TSNARE1: variants seen among roughly 807,000 people sequenced by gnomAD.
TSNARE1 encodes the protein t-SNARE domain-containing protein 1.
In TSNARE1, 49 loss-of-function variants were observed where a neutral mutation model predicts 62.0. The ratio of observed to expected loss-of-function variants is 0.79; its 90% CI spans 0.63 to 1.00. The LOEUF (loss-of-function observed/expected upper bound fraction) is 1.00, where lower values mean the gene tolerates loss of function less well. Ranked by LOEUF, TSNARE1 falls within the 50% of genes least tolerant of loss-of-function variation. The pLI is 0.00. For missense variants in TSNARE1, 755 were observed against 700.1 expected (o/e 1.08, Z -0.88); for synonymous variants, 328 against 294.4 (o/e 1.11, Z -1.17).
chr8:142,226,288 C>G (rs1816766166), intron 13 of TSNARE1, among the ~76,000 whole-genome samples: 1 of 152,176 alleles, frequency 6.6e-6, no homozygotes, highest in South Asian at 2.1e-4. Flanking sequence ...GGGCACTGCT[C>G]AGAGTGTGGC....
chr8:142,371,439 T>C (rs1391047188), intron 1 of TSNARE1, among the ~76,000 whole-genome samples: 5 of 152,200 alleles, frequency 3.3e-5, no homozygotes, highest in South Asian at 2.1e-4. Flanking sequence ...TTGACGACAG[T>C]GGTGATGCAC....
intron 13 of TSNARE1, among the ~76,000 whole-genome samples, chr8:142,227,929 A>G (rs1016548789): frequency 1.3e-5 from 2 of 152,240 alleles, no homozygotes; most frequent in African/African-American, 2.4e-5. Flanking sequence ...GTAAGACTCA[A>G]GTAGGGCAGC....
At chr8:142,380,387 C>T (rs972251578) in intron 1 of TSNARE1, among the ~76,000 whole-genome samples, 3 of 152,300 alleles carry the variant, frequency 2.0e-5, no homozygotes, top group Admixed American at 6.5e-5. Context: ...GGGACACTCA[C>T]CTGGGGCTCT....
intron 2 of TSNARE1, among the ~76,000 whole-genome samples, chr8:142,346,551 T>C (rs1227022868): frequency 6.6e-6 from 1 of 152,264 alleles, no homozygotes; most frequent in African/African-American, 2.4e-5. Flanking sequence ...AGAACCACGA[T>C]GTGCCTTTCG....
intron 12 of TSNARE1, among the ~76,000 whole-genome samples, chr8:142,238,780 C>T (rs1413504296): frequency 6.7e-6 from 1 of 149,342 alleles, no homozygotes; most frequent in Non-Finnish European, 1.5e-5. Flanking sequence ...CGCCCCTGCA[C>T]ACCTGCCCCT....
At chr8:142,244,993 C>A (rs1273765649) in intron 12 of TSNARE1, among the ~76,000 whole-genome samples, 2 of 152,258 alleles carry the variant, frequency 1.3e-5, no homozygotes, top group Admixed American at 6.5e-5. Context: ...CGGAAAAAAA[C>A]CAACAATCCA....
At chr8:142,316,448 A>G (rs561044884) in intron 7 of TSNARE1, among the ~76,000 whole-genome samples, 1 of 151,902 alleles carries the variant, frequency 6.6e-6, no homozygotes, top group South Asian at 2.1e-4. Context: ...TGCCTCTGTT[A>G]CAGTTTTTTA....
upstream of TSNARE1, chr8:142,404,099 CTG>C (rs1838505116): frequency 1.3e-5 from 2 of 151,880 alleles, no homozygotes; most frequent in Middle Eastern, 3.4e-3. Context: ...CGCCCTCACT[CTG>C]TGATGCTTGC....
intron 10 of TSNARE1, among the ~76,000 whole-genome samples, chr8:142,298,189 C>T (rs1825087844): frequency 6.6e-6 from 1 of 152,256 alleles, no homozygotes; most frequent in Non-Finnish European, 1.5e-5. Flanking sequence ...TTCCTCCCGC[C>T]CTGGCCCAGG....
intron 12 of TSNARE1, chr8:142,274,235 C>T (rs1260589885): frequency 5.1e-6 from 5 of 985,330 alleles, no homozygotes; most frequent in Non-Finnish European, 6.0e-6. Flanking sequence ...CTCAGCTGGG[C>T]CACAGTCTCC....
chr8:142,382,545 C>T (rs1836844921), intron 1 of TSNARE1, among the ~76,000 whole-genome samples: 1 of 152,160 alleles, frequency 6.6e-6, no homozygotes, highest in South Asian at 2.1e-4. Flanking sequence ...CAGCTGCACA[C>T]AGCCCAAGAG....
intron 10 of TSNARE1, 119 bp from the exon 11 acceptor site, chr8:142,284,604 C>T: frequency 1.3e-6 from 1 of 769,356 alleles, no homozygotes; most frequent in South Asian, 1.5e-5. Context: ...AATCAGGAAC[C>T]AGAGAACAGC....
intron 9 of TSNARE1, among the ~76,000 whole-genome samples, chr8:142,306,692 C>T (rs1040151654): frequency 6.6e-6 from 1 of 152,204 alleles, no homozygotes; most frequent in African/African-American, 2.4e-5. Flanking sequence ...ATCAACTTGG[C>T]AACAGTCCTT....
chr8:142,385,153 G>A lies in TSNARE1; in HGVS notation c.-40+17951C>T, dbSNP rs74581158. On this transcript the variant is annotated intron_variant, in intron 1 of 13. Transcript: ENST00000524325. ...GCAGGCAGGCAGGCACTTATAAAGG[G>A]AGGAAAAACCAGCCAGGCCACAGAT... 8.3e-4 allele frequency among the ~76,000 whole-genome samples: 127 copies of A among 152,220 alleles called. 1 individual carries two copies. In the East Asian group the frequency reaches 0.019, roughly 22 times the overall value.
chr8:142,363,647 CA>C (rs1563987792), intron 1 of TSNARE1, among the ~76,000 whole-genome samples: 1 of 152,164 alleles, frequency 6.6e-6, no homozygotes, highest in Non-Finnish European at 1.5e-5. Context: ...GCCAGACAGA[CA>C]CCACGAACTG....
At chr8:142,342,831 C>T (rs542976601) in intron 4 of TSNARE1, among the ~76,000 whole-genome samples, 36 of 151,832 alleles carry the variant, frequency 2.4e-4, no homozygotes, top group Non-Finnish European at 3.1e-4. Context: ...GGCAACTGTC[C>T]GGACACCTGT....
At position 142,345,727 on chromosome 8, in the gene TSNARE1, C is replaced by G. The variant is rs1244690708; in HGVS notation, c.238+16G>C. ...CCTTCCCAGGACCCCTGAGACCCAGCGTCTGAGTGAAGTACCTCGCTTCCT... is the reference window on the plus strand; with the variant it reads ...CCTTCCCAGGACCCCTGAGACCCAGGGTCTGAGTGAAGTACCTCGCTTCCT... On this transcript the variant is annotated intron_variant, in intron 3 of 13. Coordinates refer to ENST00000524325, the MANE Select transcript of TSNARE1 (RefSeq NM_145003.5). The G allele has an allele frequency of 6.4e-7, 1 of 1,573,686 alleles. No individual in the cohort carries two copies. The highest frequency in any genetic ancestry group is 8.6e-7 in the Non-Finnish European group (1 of 1,158,140).
chr8:142,277,162 A>G, intron 11 of TSNARE1: 1 of 985,110 alleles, frequency 1.0e-6, no homozygotes, highest in East Asian at 1.1e-4. Context: ...GCAGAGCCAC[A>G]GGCCCTGGGC....
chr8:142,246,247 G>A (rs1034937990), intron 12 of TSNARE1, among the ~76,000 whole-genome samples: 6 of 152,208 alleles, frequency 3.9e-5, no homozygotes, highest in Middle Eastern at 3.4e-3. Flanking sequence ...AGGCAGGGCT[G>A]GGGGACCCCC....
Sources: gnomAD v4.1 joint callset for allele counts (sites outside exome capture counted in the v4.1 genomes callset) on GRCh38, gnomAD v4.1.1 for gene constraint, MANE v1.5 for transcripts, NCBI Gene and HGNC (gene_info 2026-07-23, HGNC 2026-07-21) for gene names.